TTC39A: variants seen among roughly 807,000 people sequenced by gnomAD.
TTC39A encodes the protein tetratricopeptide repeat domain 39A.
Under a neutral mutation model 82.3 loss-of-function variants are expected in TTC39A, and 46 were observed. That is an observed-to-expected ratio of 0.56 (90% CI 0.44 to 0.71). TTC39A has a LOEUF of 0.71. TTC39A is among the 30% of genes least tolerant of loss of function. The probability of loss-of-function intolerance (pLI) is 0.00; values close to 1 mark genes in which losing one functional copy is unlikely to be tolerated. For synonymous variants in TTC39A, 254 were observed against 275.2 expected, an observed-to-expected ratio of 0.92 and a Z score of 0.76; for missense variants, 543 against 712.9, an observed-to-expected ratio of 0.76 and a Z score of 2.71.
At position 51,330,060 on chromosome 1, in the gene TTC39A, G is replaced by T; in HGVS notation, c.41+377C>A. On this transcript the variant is annotated intron_variant, in intron 1 of 17. Coordinates refer to ENST00000680483, the MANE Select transcript of TTC39A (RefSeq NM_001297663.2). This position sits in a 1 kb window ranked among gnomAD's most constrained non-coding sequence, Gnocchi z 4.5. ...TTACCTCCTGGGTGACCGATGACAA[G>T]TCACTTAAGTGCTGTGTCTCAGTTT... 1.1e-6 allele frequency: 1 copy of T among 870,518 alleles called. No individual in the cohort carries two copies. Among genetic ancestry groups the T allele is most frequent in the Non-Finnish European group, 1.4e-6 (1 of 725,052 alleles). The allele number at this position is 870,518 out of a possible 1,614,324, so 53.9% of individuals were successfully genotyped here. A position where few individuals can be genotyped will look rare whatever the true frequency, so the allele number is the denominator to read the frequency against.
intron 1 of TTC39A, among the ~76,000 whole-genome samples, chr1:51,337,535 TC>T (rs1645990001): frequency 6.6e-6 from 1 of 151,484 alleles, no homozygotes; most frequent in African/African-American, 2.4e-5. Context: ...CAAGTGGTTC[TC>T]CTGCCTCAGC....
At chr1:51,296,858 A>T (rs1489213205) in intron 12 of TTC39A, 1 of 154,684 alleles carries the variant, frequency 6.5e-6, no homozygotes, top group Non-Finnish European at 1.4e-5. Flanking sequence ...TTGCCCACTA[A>T]ATGCACAGCC....
At chr1:51,324,350 A>G (rs1193855462) in intron 1 of TTC39A, among the ~76,000 whole-genome samples, 1 of 152,030 alleles carries the variant, frequency 6.6e-6, no homozygotes, top group African/African-American at 2.4e-5. Flanking sequence ...CTTCTTTCCC[A>G]TCTGTTGAGT....
chr1:51,303,486 C>T (rs1385219172), intron 8 of TTC39A, among the ~76,000 whole-genome samples: 1 of 152,214 alleles, frequency 6.6e-6, no homozygotes, highest in Non-Finnish European at 1.5e-5. Flanking sequence ...CTTGGCCGCC[C>T]TGCGATGGGT....
chr1:51,307,210 T>G lies in TTC39A; in HGVS notation c.489-1134A>C, dbSNP rs527365261. On this transcript the variant is annotated intron_variant, in intron 6 of 17. Coordinates refer to ENST00000680483, the MANE Select transcript of TTC39A (RefSeq NM_001297663.2). ...TAAGAGCAAGAGGAGCCTTGGGAGT[T>G]GGCAAGGGGTGGCCTGACAAGGTGT... Among the ~76,000 whole-genome samples the G allele has an allele frequency of 1.9e-4, 29 of 152,228 alleles. No individual in the cohort carries two copies. The South Asian group carries it at 5.2e-3, about 27-fold the overall frequency.
chr1:51,337,375 A>G (rs1645987580), intron 1 of TTC39A, among the ~76,000 whole-genome samples: 1 of 151,426 alleles, frequency 6.6e-6, no homozygotes, highest in Non-Finnish European at 1.5e-5. Flanking sequence ...TTCGGGTCTC[A>G]GCTCAAATAT....
chr1:51,325,506 G>C (rs753265213), intron 1 of TTC39A, among the ~76,000 whole-genome samples: 1 of 152,168 alleles, frequency 6.6e-6, no homozygotes, highest in Non-Finnish European at 1.5e-5. Context: ...TACTGCCTGG[G>C]TGTTTAACTG....
chr1:51,302,312 G>C (rs552584165), intron 11 of TTC39A, 45 bp downstream of exon 11: 4 of 1,564,568 alleles, frequency 2.6e-6, no homozygotes, highest in Non-Finnish European at 3.5e-6. Flanking sequence ...TGGTCTGGGA[G>C]ACCCCGAGGG....
chr1:51,306,853 A>ACCCCCCCCCCC (rs3068549), intron 6 of TTC39A, among the ~76,000 whole-genome samples: 137 of 60,156 alleles, frequency 2.3e-3, no homozygotes, highest in African/African-American at 3.6e-3. Context: ...TAAGGGACAG[A>ACCCCCCCCCCC]CCCCCCCCCC....
intron 8 of TTC39A, 135 bp downstream of exon 8, chr1:51,304,946 G>T: frequency 1.1e-6 from 1 of 893,488 alleles, no homozygotes; most frequent in Non-Finnish European, 1.8e-6. Context: ...TCTGGGCATT[G>T]TCCAGGGCCA....
intron 1 of TTC39A, among the ~76,000 whole-genome samples, chr1:51,326,561 C>A (rs915898657): frequency 1.3e-5 from 2 of 152,196 alleles, no homozygotes; most frequent in African/African-American, 2.4e-5. Context: ...ACCACTTCAA[C>A]TTATTTAAAT....
At position 51,312,904 on chromosome 1, in the gene TTC39A, G is replaced by T. The variant is rs780501812; in HGVS notation, c.186C>A (p.Thr62=). The part of the protein sequence containing the change: ...ESMYHSLTYA[T]ILEMQAMMTF... ...TCATCATGGCCTGCATCTCCAGGAT[G>T]GTGGCATATGTCAGTGAGTGGTACA... The change falls in exon 3 of 18, where the codon ACC becomes ACA. Residue 62 remains threonine, a synonymous_variant. Transcript: ENST00000680483. The T allele has an allele frequency of 1.2e-6, 2 of 1,613,934 alleles. No homozygotes were observed. The highest frequency in any genetic ancestry group is 1.7e-6 in the Non-Finnish European group (2 of 1,179,832).
intron 4 of TTC39A, 43 bp downstream of exon 4, chr1:51,312,076 A>G (rs7521849): frequency 0.14 from 214,109 of 1,583,824 alleles, 18,788 homozygotes; most frequent in African/African-American, 0.39. Context: ...GGAGCTGGCC[A>G]CCTGGGCTTA....
chr1:51,322,071 G>C, intron 1 of TTC39A: 1 of 1,542,428 alleles, frequency 6.5e-7, no homozygotes. Context: ...GGTGGGGGAG[G>C]GGCCAAGGGC....
At chr1:51,307,755 G>T (rs1016331591) in intron 6 of TTC39A, among the ~76,000 whole-genome samples, 1 of 137,598 alleles carries the variant, frequency 7.3e-6, no homozygotes, top group South Asian at 2.3e-4. Flanking sequence ...AAAAAAAAAA[G>T]ACTTTTTTAC....
At chr1:51,322,104 A>G in intron 1 of TTC39A, 1 of 1,552,272 alleles carries the variant, frequency 6.4e-7, no homozygotes, top group East Asian at 2.4e-5. Flanking sequence ...GGCCTCAGGA[A>G]TCAATGATCT....
At chr1:51,327,023 G>C (rs1645736742) in intron 1 of TTC39A, among the ~76,000 whole-genome samples, 1 of 152,242 alleles carries the variant, frequency 6.6e-6, no homozygotes, top group South Asian at 2.1e-4. Context: ...AAGGGAGCTA[G>C]AGGGTGGGAG....
intron 12 of TTC39A, chr1:51,301,257 T>C (rs905818461): frequency 1.2e-5 from 3 of 255,012 alleles, no homozygotes; most frequent in African/African-American, 6.5e-5. Flanking sequence ...ATGTGCTCAT[T>C]GTGCACATGT....
chr1:51,309,483 C>T, intron 5 of TTC39A, 158 bp from the exon 6 acceptor site: 15 of 1,453,404 alleles, frequency 1.0e-5, no homozygotes, highest in African/African-American at 1.4e-5. Flanking sequence ...GCTCTTTGGC[C>T]CAACAAAACC....
Sources: gnomAD v4.1 joint callset for allele counts (sites outside exome capture counted in the v4.1 genomes callset) on GRCh38, gnomAD v4.1.1 for gene constraint, Gnocchi (gnomAD v3.1) non-coding constraint, MANE v1.5 for transcripts, NCBI Gene and HGNC (gene_info 2026-07-23, HGNC 2026-07-21) for gene names.